MYO1D: variants seen among roughly 807,000 people sequenced by gnomAD.
MYO1D encodes the protein unconventional myosin-Id.
Under a neutral mutation model 122.0 loss-of-function variants are expected in MYO1D, and 83 were observed. That is an observed-to-expected ratio of 0.68 (90% confidence interval 0.57 to 0.82). The LOEUF is 0.82. MYO1D is among the 40% of genes least tolerant of loss of function. The probability of loss-of-function intolerance (pLI) is 0.00; values close to 1 mark genes in which losing one functional copy is unlikely to be tolerated. For synonymous variants in MYO1D, 464 were observed against 446.9 expected (o/e 1.04, Z -0.48); for missense variants, 1,157 against 1,269.5 (o/e 0.91, Z 1.35).
rs754539271 is a variant in MYO1D at position 32,522,373 on chromosome 17, C to T, written c.2865-27458G>A. On this transcript the variant is annotated intron_variant, in intron 21 of 21. Coordinates refer to ENST00000318217, the MANE Select transcript of MYO1D (RefSeq NM_015194.3). ...AAGCCTTTTCACCAAAAATGGGTCC[C>T]CCATTGGTGGTCAGAATGAAAGAAT... is the stretch of plus-strand genomic sequence containing the variant. Among the ~76,000 whole-genome samples the T allele has an allele frequency of 2.0e-5, 3 of 152,178 alleles. No individual in the cohort carries two copies. In the East Asian group the frequency reaches 5.8e-4, roughly 29 times the overall value.
chr17:32,676,661 C>T (rs2088814032), intron 16 of MYO1D, among the ~76,000 whole-genome samples: 1 of 151,684 alleles, frequency 6.6e-6, no homozygotes, highest in African/African-American at 2.4e-5. Context: ...CAAGGGGGAG[C>T]CAGACTTAGA....
intron 1 of MYO1D, among the ~76,000 whole-genome samples, chr17:32,861,312 C>T (rs1342490011): frequency 3.9e-5 from 6 of 152,130 alleles, no homozygotes; most frequent in African/African-American, 1.2e-4. Context: ...GTGATCCACC[C>T]GCCTCAGCCT....
chr17:32,683,886 A>G (rs1051353321), intron 16 of MYO1D, among the ~76,000 whole-genome samples: 1 of 151,720 alleles, frequency 6.6e-6, no homozygotes, highest in Non-Finnish European at 1.5e-5. Flanking sequence ...CTGCTGTGCT[A>G]GCAATCAGCG....
intron 14 of MYO1D, chr17:32,727,698 C>T (rs1223743720): frequency 6.6e-6 from 1 of 151,938 alleles, no homozygotes; most frequent in Non-Finnish European, 1.5e-5. Context: ...GATTTAAATG[C>T]AACACACACT....
chr17:32,771,099 A>C, intron 6 of MYO1D, 26 bp downstream of exon 6: 2 of 1,513,120 alleles, frequency 1.3e-6, no homozygotes, highest in Non-Finnish European at 1.8e-6. Flanking sequence ...TTTCTATTGG[A>C]GCAATCTCAA....
chr17:32,532,019 A>G (rs747308646), intron 21 of MYO1D, among the ~76,000 whole-genome samples: 21 of 152,340 alleles, frequency 1.4e-4, no homozygotes, highest in South Asian at 1.0e-3. Context: ...CAAGTAGCCA[A>G]TCTGTTGGGA....
intron 10 of MYO1D, among the ~76,000 whole-genome samples, chr17:32,757,826 G>A (rs1048279542): frequency 1.3e-4 from 20 of 150,940 alleles, no homozygotes; most frequent in Admixed American, 3.3e-4. Flanking sequence ...TGGCATTCCC[G>A]TAAGGTTTCC....
rs538401615 is a variant in MYO1D at position 32,864,084 on chromosome 17, T to C, written c.95+12694A>G. Among the ~76,000 whole-genome samples, 184 of 132,828 alleles carry C rather than the reference T, an allele frequency of 1.4e-3. 1 individual carries two copies. Among genetic ancestry groups the C allele is most frequent in the Non-Finnish European group, 2.2e-3 (140 of 64,320 alleles). 87.1% of individuals were successfully genotyped at this position (132,828 alleles called of 152,430 possible). A position where few individuals can be genotyped will look rare whatever the true frequency, so the allele number is the denominator to read the frequency against. ...TAAAAGCCTTCTGGAAAAAAAATCA[T>C]CTAAAACAGTTGTTTGCAAGCTGTT... On this transcript the variant is annotated intron_variant, in intron 1 of 21. Coordinates refer to ENST00000318217, the MANE Select transcript of MYO1D (RefSeq NM_015194.3).
intron 15 of MYO1D, among the ~76,000 whole-genome samples, chr17:32,712,724 AAC>A (rs974882219): frequency 1.3e-5 from 2 of 152,238 alleles, no homozygotes; most frequent in Non-Finnish European, 2.9e-5. Flanking sequence ...ACATAAGAGC[AAC>A]ACACAAAAAT....
chr17:32,509,734 G>A (rs60165153), intron 21 of MYO1D, among the ~76,000 whole-genome samples: 10,486 of 151,982 alleles, frequency 0.069, 1,165 homozygotes, highest in African/African-American at 0.24. Flanking sequence ...GACTATAGGC[G>A]TGCGCCACCA....
intron 6 of MYO1D, among the ~76,000 whole-genome samples, 195 bp downstream of exon 6, chr17:32,770,930 A>G (rs984149892): frequency 6.6e-6 from 1 of 152,232 alleles, no homozygotes; most frequent in African/African-American, 2.4e-5. Context: ...ATAAAATATC[A>G]TAATTGATTT....
intron 21 of MYO1D, among the ~76,000 whole-genome samples, chr17:32,597,799 G>GTGGAGGT (rs2087512650): frequency 6.7e-6 from 1 of 150,238 alleles, no homozygotes; most frequent in South Asian, 2.1e-4. Flanking sequence ...ACCTGGGAAG[G>GTGGAGGT]TGGAGGTTGC....
intron 8 of MYO1D, among the ~76,000 whole-genome samples, chr17:32,760,920 C>T (rs2089994896): frequency 6.6e-6 from 1 of 152,194 alleles, no homozygotes; most frequent in Non-Finnish European, 1.5e-5. Flanking sequence ...CAATAGTTTG[C>T]CTGATCCCTT....
intron 1 of MYO1D, among the ~76,000 whole-genome samples, chr17:32,782,841 G>C (rs142231101): frequency 6.6e-6 from 1 of 151,930 alleles, no homozygotes; most frequent in African/African-American, 2.4e-5. Flanking sequence ...AGGCTGAGGC[G>C]GGAGGATCGG....
chr17:32,545,947 C>T (rs959890123), intron 21 of MYO1D, among the ~76,000 whole-genome samples: 4 of 151,626 alleles, frequency 2.6e-5, no homozygotes, highest in Non-Finnish European at 5.9e-5. Context: ...CATCTGAAGC[C>T]CTGAGCTAAA....
At chr17:32,748,840 C>T in intron 12 of MYO1D, 96 bp downstream of exon 12, 3 of 1,137,920 alleles carry the variant, frequency 2.6e-6, no homozygotes, top group Non-Finnish European at 3.9e-6. Flanking sequence ...CCAAAACATG[C>T]AAATGAATAT....
At chr17:32,616,166 A>G (rs966531650) in intron 20 of MYO1D, among the ~76,000 whole-genome samples, 1 of 152,108 alleles carries the variant, frequency 6.6e-6, no homozygotes, top group Admixed American at 6.5e-5. Flanking sequence ...TTTTCCTTTT[A>G]GTTGGTCTTC....
chr17:32,764,477 C>T (rs2090034504), intron 8 of MYO1D, among the ~76,000 whole-genome samples: 1 of 152,152 alleles, frequency 6.6e-6, no homozygotes, highest in African/African-American at 2.4e-5. Flanking sequence ...GCTAATTAGT[C>T]TGATCTGATC....
chr17:32,532,951 T>C (rs948129883), intron 21 of MYO1D, among the ~76,000 whole-genome samples: 2 of 152,150 alleles, frequency 1.3e-5, no homozygotes, highest in African/African-American at 2.4e-5. Context: ...TTTCAAATCA[T>C]TGAATTCTGT....
Sources: allele counts gnomAD v4.1 joint callset (sites outside exome capture counted in the v4.1 genomes callset), GRCh38; gene constraint gnomAD v4.1.1; transcripts MANE v1.5; gene names NCBI Gene and HGNC (gene_info 2026-07-23, HGNC 2026-07-21).